Variants in PADI6 observed in about 807,000 individuals in gnomAD.
PADI6 encodes the protein peptidyl arginine deiminase 6.
A neutral mutation model predicts 78.2 loss-of-function variants in PADI6; 66 were observed. That is an observed-to-expected ratio of 0.84 (90% CI 0.69 to 1.04). PADI6 has a LOEUF of 1.04. Ranked by LOEUF, PADI6 falls within the 50% of genes least tolerant of loss-of-function variation. The pLI, the probability that PADI6 is intolerant of heterozygous loss-of-function variation, is 0.00. For missense variants in PADI6, 854 were observed against 866.1 expected, an observed-to-expected ratio of 0.99 and a Z score of 0.18; for synonymous variants, 397 against 346.9, an observed-to-expected ratio of 1.14 and a Z score of -1.60.
chr1:17,381,753 C>T (rs1337318747), intron 5 of PADI6, among the ~76,000 whole-genome samples: 3 of 152,158 alleles, frequency 2.0e-5, no homozygotes, highest in Admixed American at 1.3e-4. Flanking sequence ...TAAATCCCAT[C>T]CTCCCTCAAA....
intron 3 of PADI6, among the ~76,000 whole-genome samples, chr1:17,376,252 C>A (rs1189052442): frequency 6.6e-6 from 1 of 151,694 alleles, no homozygotes; most frequent in East Asian, 1.9e-4. Flanking sequence ...GGATTACAAG[C>A]GTGAGCCACT....
Position 17,379,933 on chromosome 1 carries a change from G to T in PADI6, c.381G>T (p.Glu127Asp), listed in dbSNP as rs1293060700. 1 of 1,613,516 alleles carries T rather than the reference G, an allele frequency of 6.2e-7. No homozygotes were observed. The highest frequency in any genetic ancestry group is 1.1e-5 in the South Asian group (1 of 91,054). ...LYLTGIEVSL[E>D]VDIYRNGQVE... Reference sequence around the variant, plus strand: ...CTTCTGTTTCAGAGGTCTCTCTAGAGGTAGACATCTACCGCAATGGGCAAG... The same window carrying T: ...CTTCTGTTTCAGAGGTCTCTCTAGATGTAGACATCTACCGCAATGGGCAAG... The change falls in exon 4 of 16, where the codon GAG (glutamate) becomes GAT (aspartate). Residue 127 changes from glutamate to aspartate, a missense_variant. Coordinates refer to ENST00000619609, the MANE Select transcript of PADI6 (RefSeq NM_207421.4).
chr1:17,373,910 C>T (rs1257127919), intron 2 of PADI6, among the ~76,000 whole-genome samples: 2 of 152,122 alleles, frequency 1.3e-5, no homozygotes, highest in Non-Finnish European at 2.9e-5. Flanking sequence ...GTATTCTCCC[C>T]TGGGTAAGCT....
intron 6 of PADI6, among the ~76,000 whole-genome samples, chr1:17,386,747 G>C (rs1489567216): frequency 6.6e-6 from 1 of 152,176 alleles, no homozygotes; most frequent in Non-Finnish European, 1.5e-5. Flanking sequence ...CATCCCCAGG[G>C]CCTCCAAGGA....
At chr1:17,401,152 C>T in intron 15 of PADI6, 53 bp from the exon 16 acceptor site, 3 of 1,560,622 alleles carry the variant, frequency 1.9e-6, no homozygotes, top group Non-Finnish European at 2.6e-6. Flanking sequence ...GGGCGGCTGG[C>T]TTTCAGGCCT....
chr1:17,390,961 G>A (rs1412376045), intron 8 of PADI6, among the ~76,000 whole-genome samples: 1 of 152,168 alleles, frequency 6.6e-6, no homozygotes, highest in Non-Finnish European at 1.5e-5. Flanking sequence ...CCCCCAGTAA[G>A]CGTCAGACTG....
chr1:17,378,495 C>T (rs747708209), intron 3 of PADI6, among the ~76,000 whole-genome samples: 7 of 152,244 alleles, frequency 4.6e-5, no homozygotes, highest in South Asian at 2.1e-4. Context: ...ACTGGAGCGA[C>T]GTGGTTGTCC....
At chr1:17,381,254 C>G (rs972232423) in intron 5 of PADI6, 90 bp downstream of exon 5, 15 of 1,049,286 alleles carry the variant, frequency 1.4e-5, no homozygotes, top group South Asian at 3.1e-5. Flanking sequence ...TTTTCTCCAC[C>G]CCACCCCCGA....
chr1:17,400,713 TTCTC>T (rs1046191659), intron 15 of PADI6, among the ~76,000 whole-genome samples: 7 of 152,148 alleles, frequency 4.6e-5, no homozygotes, highest in African/African-American at 1.7e-4. Flanking sequence ...AGTGCCCCAA[TTCTC>T]TAAACACCTG....
chr1:17,378,561 T>C (rs1394589910), intron 3 of PADI6, among the ~76,000 whole-genome samples: 1 of 152,172 alleles, frequency 6.6e-6, no homozygotes, highest in African/African-American at 2.4e-5. Flanking sequence ...ACAGTCCCTA[T>C]GACAGTACCT....
chr1:17,384,468 G>A (rs763936648), intron 6 of PADI6, among the ~76,000 whole-genome samples: 1 of 150,550 alleles, frequency 6.6e-6, no homozygotes, highest in Non-Finnish European at 1.5e-5. Flanking sequence ...GGCCAGGCGT[G>A]GTGGTTCATG....
At position 17,394,578 on chromosome 1, in the gene PADI6, C is replaced by T. The variant is rs372985431; in HGVS notation, c.1337+124C>T. ...ACTGGACCATTTCTTAAACTGAAGA[C>T]ATTTGAGCTTTTGATTCACGTGGGA... On this transcript the variant is annotated intron_variant, in intron 11 of 15. Coordinates refer to ENST00000619609, the MANE Select transcript of PADI6 (RefSeq NM_207421.4). The T allele has an allele frequency of 1.7e-4, 184 of 1,085,174 alleles. No individual in the cohort carries two copies. The African/African-American group carries it at 2.3e-3, about 13-fold the overall frequency. The allele number at this position is 1,085,174 out of a possible 1,614,324, so 67.2% of individuals were successfully genotyped here.
chr1:17,380,887 C>G (rs1185249333), intron 4 of PADI6, among the ~76,000 whole-genome samples, 160 bp from the exon 5 acceptor site: 2 of 152,190 alleles, frequency 1.3e-5, no homozygotes, highest in Non-Finnish European at 2.9e-5. Flanking sequence ...CCTGACATGA[C>G]CTTCCTGTGC....
At chr1:17,394,711 T>A (rs1442254296) in intron 11 of PADI6, among the ~76,000 whole-genome samples, 1 of 152,228 alleles carries the variant, frequency 6.6e-6, no homozygotes, top group Non-Finnish European at 1.5e-5. Context: ...GTGGTTGGAT[T>A]TCTTGGTGGC....
In PADI6 at chr1:17,382,523, G is replaced by A. The variant is rs368033863; in HGVS notation, c.679+431G>A. ...AATCTGAGGCCAAAACCTCTAGAGC[G>A]GCAGCCACGGTAGCACCTGCATCCC... is the stretch of plus-strand genomic sequence containing the variant. On this transcript the variant is annotated intron_variant, in intron 6 of 15. Transcript: ENST00000619609. 7.9e-5 allele frequency among the ~76,000 whole-genome samples: 12 copies of A among 152,244 alleles called. 1 individual carries two copies. Among genetic ancestry groups the A allele is most frequent in the East Asian group, 3.9e-4 (2 of 5,178 alleles).
At chr1:17,395,413 A>G (rs1359228495) in intron 12 of PADI6, 127 bp from the exon 13 acceptor site, 1 of 1,221,372 alleles carries the variant, frequency 8.2e-7, no homozygotes, top group Non-Finnish European at 1.1e-6. Context: ...CATGTTGGCC[A>G]GGCTGGTCTC....
At chr1:17,389,596 A>G (rs1476402477) in intron 8 of PADI6, among the ~76,000 whole-genome samples, 1 of 152,178 alleles carries the variant, frequency 6.6e-6, no homozygotes, top group African/African-American at 2.4e-5. Context: ...AATCCTGAAC[A>G]CGCACGGGGC....
intron 15 of PADI6, among the ~76,000 whole-genome samples, chr1:17,400,035 AAAAACAAAC>A (rs761334933): frequency 6.7e-6 from 1 of 150,264 alleles, no homozygotes; most frequent in African/African-American, 2.5e-5. Flanking sequence ...TGTCTCCCAA[AAAAACAAAC>A]AAAACAAAAC....
intron 14 of PADI6, among the ~76,000 whole-genome samples, chr1:17,397,808 T>G (rs2075261139): frequency 2.0e-5 from 3 of 152,164 alleles, no homozygotes; most frequent in Admixed American, 6.5e-5. Flanking sequence ...AGTTCATGTG[T>G]TGCTCATTAT....
Sources: allele counts gnomAD v4.1 joint callset (sites outside exome capture counted in the v4.1 genomes callset), GRCh38; gene constraint gnomAD v4.1.1; transcripts MANE v1.5; gene names NCBI Gene and HGNC (gene_info 2026-07-23, HGNC 2026-07-21).